The following PRDM5 variants were observed in gnomAD, a reference collection of about 807,000 sequenced individuals.
PRDM5 encodes the protein PR domain zinc finger protein 5.
Under a neutral mutation model 81.2 loss-of-function variants are expected in PRDM5, and 56 were observed. The ratio of observed to expected loss-of-function variants is 0.69; its 90% CI spans 0.56 to 0.86. PRDM5 has a LOEUF of 0.86. Among genes scored for constraint, PRDM5 ranks in the 40% least tolerant of loss-of-function variants. PRDM5 has a pLI of 0.00. For missense variants in PRDM5, 697 were observed against 770.1 expected, an observed-to-expected ratio of 0.91 and a Z score of 1.12; for synonymous variants, 267 against 256.4, an observed-to-expected ratio of 1.04 and a Z score of -0.39.
intron 10 of PRDM5, among the ~76,000 whole-genome samples, chr4:120,787,830 G>A (rs1373556149): frequency 2.6e-5 from 4 of 152,096 alleles, no homozygotes; most frequent in Non-Finnish European, 4.4e-5. Flanking sequence ...AGCACTACAG[G>A]TACTTGAATA....
At chr4:120,793,373 C>T (rs1399327872) in intron 10 of PRDM5, among the ~76,000 whole-genome samples, 1 of 152,150 alleles carries the variant, frequency 6.6e-6, no homozygotes, top group Non-Finnish European at 1.5e-5. Context: ...ACTGATTCTA[C>T]ATTATGGTGA....
At chr4:120,887,808 T>TAAC (rs1430088765) in intron 2 of PRDM5, among the ~76,000 whole-genome samples, 4 of 99,378 alleles carry the variant, frequency 4.0e-5, no homozygotes, top group Non-Finnish European at 7.7e-5. Context: ...TTTTTTTTTT[T>TAAC]TTGAGACGGA....
At chr4:120,806,624 G>T (rs1434848511) in intron 8 of PRDM5, among the ~76,000 whole-genome samples, 6 of 152,162 alleles carry the variant, frequency 3.9e-5, no homozygotes, top group East Asian at 3.9e-4. Flanking sequence ...AATAAATGGT[G>T]CTGGGAAAAC....
At chr4:120,798,993 T>C (rs1751733653) in intron 9 of PRDM5, among the ~76,000 whole-genome samples, 1 of 152,250 alleles carries the variant, frequency 6.6e-6, no homozygotes, top group African/African-American at 2.4e-5. Context: ...TTTACTAAAA[T>C]ATTCATATGT....
At chr4:120,739,020 A>T (rs1164346276) in intron 14 of PRDM5, among the ~76,000 whole-genome samples, 1 of 152,166 alleles carries the variant, frequency 6.6e-6, no homozygotes, top group Admixed American at 6.5e-5. Context: ...GCTGCAGCTG[A>T]AGTTATCTGA....
At chr4:120,691,279 C>A (rs1216823937), downstream of PRDM5, among the ~76,000 whole-genome samples, 1 of 152,040 alleles carries the variant, frequency 6.6e-6, no homozygotes, top group Non-Finnish European at 1.5e-5. Flanking sequence ...TTTATTCTGT[C>A]ATACAACAAA....
chr4:120,815,661 C>G (rs941876527), intron 7 of PRDM5, among the ~76,000 whole-genome samples: 2 of 152,142 alleles, frequency 1.3e-5, no homozygotes, highest in Non-Finnish European at 2.9e-5. Flanking sequence ...ACATAGCCAC[C>G]CATTTCCCAG....
At chr4:120,766,798 A>T (rs1238392634) in intron 13 of PRDM5, among the ~76,000 whole-genome samples, 1 of 152,188 alleles carries the variant, frequency 6.6e-6, no homozygotes, top group Non-Finnish European at 1.5e-5. Context: ...AGATTTCTGA[A>T]ACCCTTTCTA....
chr4:120,741,843 G>A (rs962852121), intron 14 of PRDM5, among the ~76,000 whole-genome samples: 9 of 152,308 alleles, frequency 5.9e-5, no homozygotes, highest in East Asian at 3.9e-4. Flanking sequence ...CAGCAGCGAG[G>A]CTGGGGGAGG....
At chr4:120,903,803 G>A (rs546194332) in intron 2 of PRDM5, among the ~76,000 whole-genome samples, 1 of 152,230 alleles carries the variant, frequency 6.6e-6, no homozygotes, top group South Asian at 2.1e-4. Context: ...AAGCTCTCTT[G>A]CCTGCCACCA....
intron 8 of PRDM5, among the ~76,000 whole-genome samples, chr4:120,809,152 C>T (rs983180514): frequency 2.0e-5 from 3 of 151,814 alleles, no homozygotes; most frequent in Non-Finnish European, 4.4e-5. Context: ...GACAAAAAGC[C>T]AAACACTGCA....
chr4:120,824,066 T>A (rs755626634), intron 3 of PRDM5, among the ~76,000 whole-genome samples: 1 of 152,188 alleles, frequency 6.6e-6, no homozygotes, highest in South Asian at 2.1e-4. Context: ...CAGAAGCAGA[T>A]GCTGGCACCA....
chr4:120,808,743 G>A (rs1207792619), intron 8 of PRDM5, among the ~76,000 whole-genome samples: 10 of 152,166 alleles, frequency 6.6e-5, no homozygotes, highest in South Asian at 2.1e-4. Context: ...TGCAGGTCCC[G>A]TGCCCTCCCC....
intron 8 of PRDM5, among the ~76,000 whole-genome samples, chr4:120,807,249 G>A (rs1264740259): frequency 1.3e-5 from 2 of 152,234 alleles, no homozygotes; most frequent in Non-Finnish European, 2.9e-5. Flanking sequence ...CACACTGTTG[G>A]TGGGACTGTA....
At chr4:120,756,190 T>C (rs1158859453) in intron 13 of PRDM5, among the ~76,000 whole-genome samples, 1 of 152,188 alleles carries the variant, frequency 6.6e-6, no homozygotes. Context: ...AACACATGCT[T>C]ATCAGAATTC....
At chr4:120,880,872 A>G (rs573968124) in intron 2 of PRDM5, among the ~76,000 whole-genome samples, 3 of 152,312 alleles carry the variant, frequency 2.0e-5, no homozygotes, top group East Asian at 3.9e-4. Context: ...TCAATCCAAG[A>G]TAAGTAAATT....
At chr4:120,859,147 G>A (rs2667191) in intron 2 of PRDM5, among the ~76,000 whole-genome samples, 64,203 of 151,756 alleles carry the variant, frequency 0.42, 13,863 homozygotes, top group Non-Finnish European at 0.47. Context: ...ACGGCTACAG[G>A]CACCTTAAAT....
At chr4:120,886,906 T>C (rs1181634810) in intron 2 of PRDM5, among the ~76,000 whole-genome samples, 2 of 152,014 alleles carry the variant, frequency 1.3e-5, no homozygotes, top group African/African-American at 2.4e-5. Flanking sequence ...CTCATATAGC[T>C]TAAGCCAAAT....
chr4:120,870,794 CT>C (rs1231614235), intron 2 of PRDM5, among the ~76,000 whole-genome samples: 1 of 152,144 alleles, frequency 6.6e-6, no homozygotes, highest in Non-Finnish European at 1.5e-5. Context: ...AGCATCACCC[CT>C]GAGTGGATTC....
Sources: allele counts gnomAD v4.1 joint callset (sites outside exome capture counted in the v4.1 genomes callset), GRCh38; gene constraint gnomAD v4.1.1; transcripts MANE v1.5; gene names NCBI Gene and HGNC (gene_info 2026-07-23, HGNC 2026-07-21).